MALAT1: variants seen among roughly 807,000 people sequenced by gnomAD.
The protein encoded by MALAT1 is metastasis associated lung adenocarcinoma transcript 1, also known as hepcarcin.
At chr11:65,500,168 T>C (rs767019523) in exon 3 of MALAT1, 3 of 505,578 alleles carry the variant, frequency 5.9e-6, no homozygotes, top group Admixed American at 4.1e-5. Context: ...AAAAAGCTAC[T>C]AAAAGGACTG....
rs769556565 is a variant in MALAT1 at position 65,500,446 on chromosome 11, C to T, written n.1709C>T. On this transcript the variant is annotated non_coding_transcript_exon_variant, in exon 3 of 4. Transcript: ENST00000619449. ...GTGAATCTAGGAAGACAGCAGCAGACAGGATTCCAGGAACCAGTGTTTGAT... is the reference window on the plus strand; with the variant it reads ...GTGAATCTAGGAAGACAGCAGCAGATAGGATTCCAGGAACCAGTGTTTGAT... The T allele has an allele frequency of 1.7e-5, 9 of 518,832 alleles. No homozygotes were observed. The East Asian group carries it at 2.7e-4, about 16-fold the overall frequency. The allele number at this position is 518,832 out of a possible 1,614,324, so 32.1% of individuals were successfully genotyped here.
chr11:65,501,291 C>T (rs753584229), exon 3 of MALAT1: 3 of 517,728 alleles, frequency 5.8e-6, no homozygotes, highest in Non-Finnish European at 1.2e-5. Flanking sequence ...TGTCTAGAAT[C>T]CTAAAGGCAA....
chr11:65,503,818 A>C lies in MALAT1; in HGVS notation n.5081A>C, dbSNP rs145156627. ...CTTTAAGGCAGGAAAGACAAATTTT[A>C]TTCTTCATAAAGTGATGAGCATATA... On this transcript the variant is annotated non_coding_transcript_exon_variant, in exon 3 of 4. Transcript: ENST00000619449. 562 of 515,914 alleles carry C rather than the reference A, an allele frequency of 1.1e-3. 2 individuals carry two copies. In the East Asian group the frequency reaches 0.011, roughly 10 times the overall value. The allele number at this position is 515,914 out of a possible 1,614,324, so 32.0% of individuals were successfully genotyped here.
exon 3 of MALAT1, chr11:65,499,519 A>T (rs1565675131): frequency 2.2e-6 from 1 of 461,958 alleles, no homozygotes; most frequent in East Asian, 6.1e-5. Flanking sequence ...GAAGGTGATT[A>T]AAAGACCTTG....
exon 4 of MALAT1, chr11:65,506,384 A>G (rs920670546): frequency 2.3e-6 from 1 of 428,220 alleles, no homozygotes; most frequent in East Asian, 7.4e-5. Context: ...TGTCTTTTTC[A>G]GGTAATAGCC....
chr11:65,499,903 A>T (rs532337893), exon 3 of MALAT1: 4 of 432,564 alleles, frequency 9.2e-6, no homozygotes, highest in Non-Finnish European at 4.5e-6. Context: ...CAGATAGAAA[A>T]TGAAAAACAA....
At chr11:65,504,787 C>CT in intron 3 of MALAT1, 1 of 518,996 alleles carries the variant, frequency 1.9e-6, no homozygotes, top group Non-Finnish European at 3.8e-6. Context: ...GGGTTTCTCT[C>CT]TCCCCTCCCT....
chr11:65,500,820 C>T (rs1334009035), exon 3 of MALAT1: 3 of 518,728 alleles, frequency 5.8e-6, no homozygotes, highest in Non-Finnish European at 1.2e-5. Flanking sequence ...TTATGGTAAC[C>T]TTTTATTTAT....
chr11:65,500,802 G>C (rs770876395), exon 3 of MALAT1: 7 of 518,842 alleles, frequency 1.3e-5, no homozygotes, highest in Admixed American at 5.8e-5. Context: ...TGTTTTTCTG[G>C]AACTTACTTA....
At chr11:65,505,545 A>G (rs902364893) in intron 3 of MALAT1, 2 of 515,718 alleles carry the variant, frequency 3.9e-6, no homozygotes, top group African/African-American at 3.9e-5. Context: ...CCCCACAAGC[A>G]ACTTCTCTGC....
At chr11:65,501,207 G>C (rs752425223) in exon 3 of MALAT1, 3 of 497,818 alleles carry the variant, frequency 6.0e-6, no homozygotes, top group East Asian at 1.1e-4. Context: ...TAACTGAGGC[G>C]GGGGGGAGTT....
chr11:65,503,610 CTATTTT>C (rs765499173), exon 3 of MALAT1: 32 of 508,486 alleles, frequency 6.3e-5, no homozygotes, highest in South Asian at 2.8e-4. Context: ...AAATAATAAA[CTATTTT>C]TATTAGAGAA....
chr11:65,501,353 A>ACCACC (rs779529766), exon 3 of MALAT1: 2 of 518,774 alleles, frequency 3.9e-6, no homozygotes, highest in East Asian at 1.1e-4. Flanking sequence ...GGATAATCAG[A>ACCACC]CCACCACAGG....
intron 3 of MALAT1, chr11:65,504,919 A>G (rs1432786157): frequency 1.9e-6 from 1 of 518,898 alleles, no homozygotes; most frequent in Non-Finnish European, 3.8e-6. Context: ...TTCCATTTTA[A>G]ATGTGGGGAT....
At chr11:65,501,556 T>TG in exon 3 of MALAT1, 1 of 518,460 alleles carries the variant, frequency 1.9e-6, no homozygotes, top group Non-Finnish European at 3.9e-6. Flanking sequence ...AGAGAGAGGG[T>TG]GGGGGAGAAA....
chr11:65,500,544 T>C (rs766404799), exon 3 of MALAT1: 2 of 518,604 alleles, frequency 3.9e-6, no homozygotes, highest in African/African-American at 1.9e-5. Flanking sequence ...CAGGAGCCAG[T>C]GCGATTTGGT....
exon 1 of MALAT1, chr11:65,497,798 C>G: frequency 4.0e-6 from 2 of 501,814 alleles, no homozygotes; most frequent in Non-Finnish European, 8.0e-6. Context: ...CCTCTCCTGC[C>G]CTCTTAAGCG....
chr11:65,500,871 G>A lies in MALAT1; in HGVS notation n.2134G>A, dbSNP rs761510116. The A allele has an allele frequency of 1.5e-4, 77 of 518,210 alleles. No homozygotes were observed. In the East Asian group the frequency reaches 4.1e-3, roughly 28 times the overall value. The allele number at this position is 518,210 out of a possible 1,614,324, so 32.1% of individuals were successfully genotyped here. A position where few individuals can be genotyped will look rare whatever the true frequency, so the allele number is the denominator to read the frequency against. On this transcript the variant is annotated non_coding_transcript_exon_variant, in exon 3 of 4. Transcript: ENST00000619449. ...GGGAGTTTCGTACTGAGGTGTAAAGGGATTTATATGGGGACGTAGGCCGAT... is the reference window on the plus strand; with the variant it reads ...GGGAGTTTCGTACTGAGGTGTAAAGAGATTTATATGGGGACGTAGGCCGAT...
At chr11:65,500,300 G>A (rs368648474) in exon 3 of MALAT1, 37 of 518,768 alleles carry the variant, frequency 7.1e-5, no homozygotes, top group Non-Finnish European at 1.4e-4. Flanking sequence ...AGTAATTCAA[G>A]ATCAAGAGTA....
Sources: gnomAD v4.1 joint callset for allele counts on GRCh38, gnomAD v4.1.1 for gene constraint, MANE v1.5 for transcripts, NCBI Gene and HGNC (gene_info 2026-07-23, HGNC 2026-07-21) for gene names.